UNC5C: variants seen among roughly 807,000 people sequenced by gnomAD.
UNC5C encodes the protein unc-5 netrin receptor C, also known as netrin receptor UNC5C.
In UNC5C, 47 loss-of-function variants were observed where a neutral mutation model predicts 99.8. The ratio of observed to expected loss-of-function variants is 0.47; its 90% confidence interval spans 0.37 to 0.60. The LOEUF is 0.60. UNC5C is among the 20% of genes least tolerant of loss of function. The probability of loss-of-function intolerance (pLI) is 0.00; values close to 1 mark genes in which losing one functional copy is unlikely to be tolerated. For synonymous variants in UNC5C, 487 were observed against 452.2 expected (o/e 1.08, Z -0.98); for missense variants, 1,062 against 1,165.9 (o/e 0.91, Z 1.30).
At chr4:95,290,887 A>T (rs72891935) in intron 3 of UNC5C, among the ~76,000 whole-genome samples, 4 of 152,140 alleles carry the variant, frequency 2.6e-5, no homozygotes, top group African/African-American at 9.7e-5. Flanking sequence ...AATGATCTGC[A>T]GCAAGTCAGC....
intron 7 of UNC5C, among the ~76,000 whole-genome samples, chr4:95,222,985 G>A (rs1223252803): frequency 6.6e-6 from 1 of 152,144 alleles, no homozygotes; most frequent in Non-Finnish European, 1.5e-5. Context: ...GAGAAATGGT[G>A]TATATTGGGA....
At chr4:95,187,432 A>G (rs1355840793) in intron 12 of UNC5C, among the ~76,000 whole-genome samples, 1 of 152,174 alleles carries the variant, frequency 6.6e-6, no homozygotes, top group Non-Finnish European at 1.5e-5. Flanking sequence ...TGTACCCAAC[A>G]ATGTATAATC....
intron 1 of UNC5C, among the ~76,000 whole-genome samples, chr4:95,375,373 C>T (rs1224275460): frequency 6.6e-6 from 1 of 151,952 alleles, no homozygotes; most frequent in Non-Finnish European, 1.5e-5. Context: ...TCCATACTTC[C>T]AAACAGGGTA....
intron 1 of UNC5C, among the ~76,000 whole-genome samples, chr4:95,417,184 ATC>A: frequency 6.6e-6 from 1 of 152,296 alleles, no homozygotes; most frequent in South Asian, 2.1e-4. Flanking sequence ...TGCCGTCGGG[ATC>A]TCTGCAGTAT....
chr4:95,497,953 A>G (rs935582378), intron 1 of UNC5C, among the ~76,000 whole-genome samples: 5 of 152,008 alleles, frequency 3.3e-5, no homozygotes, highest in African/African-American at 1.2e-4. Flanking sequence ...TAGTGAGCAG[A>G]TATATCATAG....
At chr4:95,446,650 G>T (rs754248291) in intron 1 of UNC5C, among the ~76,000 whole-genome samples, 34 of 152,116 alleles carry the variant, frequency 2.2e-4, no homozygotes, top group Non-Finnish European at 4.3e-4. Context: ...CTGATTTCAG[G>T]TTCACTGGCA....
At chr4:95,521,205 TTTTTC>T (rs1722347192) in intron 1 of UNC5C, among the ~76,000 whole-genome samples, 2 of 94,664 alleles carry the variant, frequency 2.1e-5, no homozygotes, top group Admixed American at 1.5e-4. Flanking sequence ...TCTTCTTTTT[TTTTTC>T]TTTTTTCTTT....
At chr4:95,384,221 C>A (rs1003714175) in intron 1 of UNC5C, among the ~76,000 whole-genome samples, 2 of 152,070 alleles carry the variant, frequency 1.3e-5, no homozygotes, top group Non-Finnish European at 2.9e-5. Flanking sequence ...TATTGAATAA[C>A]TATTACGTGC....
chr4:95,352,013 G>A (rs921905082), intron 1 of UNC5C, among the ~76,000 whole-genome samples: 1 of 152,050 alleles, frequency 6.6e-6, no homozygotes, highest in Non-Finnish European at 1.5e-5. Flanking sequence ...CCTGGATACA[G>A]TCAGATACTT....
At chr4:95,213,937 CT>C (rs1738160612) in intron 10 of UNC5C, among the ~76,000 whole-genome samples, 1 of 152,154 alleles carries the variant, frequency 6.6e-6, no homozygotes. Flanking sequence ...GCAGAAAGTG[CT>C]TTGTGATCAG....
At chr4:95,308,223 C>T (rs568119756) in intron 2 of UNC5C, among the ~76,000 whole-genome samples, 31 of 151,960 alleles carry the variant, frequency 2.0e-4, no homozygotes, top group Non-Finnish European at 2.9e-4. Context: ...TTAAACAAAA[C>T]GGTTAAAATT....
At chr4:95,334,507 A>G (rs1457950502) in intron 2 of UNC5C, among the ~76,000 whole-genome samples, 1 of 151,976 alleles carries the variant, frequency 6.6e-6, no homozygotes, top group Non-Finnish European at 1.5e-5. Context: ...AAGAGATCTG[A>G]AAGTTCAAAG....
At chr4:95,260,543 C>T (rs761087258) in intron 4 of UNC5C, among the ~76,000 whole-genome samples, 20 of 152,150 alleles carry the variant, frequency 1.3e-4, no homozygotes, top group Non-Finnish European at 1.5e-4. Flanking sequence ...TTGCTTTTCT[C>T]TCTCCCCACA....
At chr4:95,542,534 G>A (rs1367707276) in intron 1 of UNC5C, among the ~76,000 whole-genome samples, 1 of 152,040 alleles carries the variant, frequency 6.6e-6, no homozygotes, top group African/African-American at 2.4e-5. Context: ...TAGAAGGGGA[G>A]GTATGTTTTA....
intron 1 of UNC5C, among the ~76,000 whole-genome samples, chr4:95,529,326 A>C (rs1166535880): frequency 6.8e-6 from 1 of 148,054 alleles, no homozygotes. Flanking sequence ...ATGTGTATAT[A>C]TATTTATATG....
chr4:95,431,279 A>C (rs1746628319), intron 1 of UNC5C, among the ~76,000 whole-genome samples: 1 of 152,038 alleles, frequency 6.6e-6, no homozygotes, highest in Non-Finnish European at 1.5e-5. Context: ...GAGTTCAAAA[A>C]TGTGTCCAAG....
At chr4:95,230,844 C>T (rs1352662679) in intron 7 of UNC5C, among the ~76,000 whole-genome samples, 3 of 151,820 alleles carry the variant, frequency 2.0e-5, no homozygotes, top group Non-Finnish European at 4.4e-5. Flanking sequence ...AGGGCTGTTT[C>T]AATTATATGC....
At chr4:95,398,866 A>G (rs184517616) in intron 1 of UNC5C, among the ~76,000 whole-genome samples, 163 of 152,312 alleles carry the variant, frequency 1.1e-3, no homozygotes, top group African/African-American at 3.7e-3. Context: ...GAGTTGCTGT[A>G]GAGAGCTTTT....
chr4:95,192,672 A>C (rs942893576), intron 12 of UNC5C, among the ~76,000 whole-genome samples: 6 of 104,606 alleles, frequency 5.7e-5, no homozygotes, highest in African/African-American at 1.1e-4. Context: ...TCCCCTGCTC[A>C]CCTCCTCTGT....
Sources: allele counts gnomAD v4.1 joint callset (sites outside exome capture counted in the v4.1 genomes callset), GRCh38; gene constraint gnomAD v4.1.1; transcripts MANE v1.5; gene names NCBI Gene and HGNC (gene_info 2026-07-23, HGNC 2026-07-21).